The following FHIP1A variants were observed in gnomAD, a reference collection of about 807,000 sequenced individuals.
FHIP1A encodes FHF complex subunit HOOK-interacting protein 1A.
FHIP1A carries 61 observed loss-of-function variants against 88.6 expected under a neutral mutation model. That is an observed-to-expected ratio of 0.69 (90% CI 0.56 to 0.85). The LOEUF is 0.85. Ranked by LOEUF, FHIP1A falls within the 40% of genes least tolerant of loss-of-function variation. FHIP1A has a pLI of 0.00. For synonymous variants in FHIP1A, 478 were observed against 496.0 expected, an observed-to-expected ratio of 0.96 and a Z score of 0.48; for missense variants, 1,154 against 1,273.5, an observed-to-expected ratio of 0.91 and a Z score of 1.43.
rs1488347941 is a variant in FHIP1A at position 151,663,697 on chromosome 4, A to C, written c.*943A>C. 1 of 152,158 alleles carries C rather than the reference A, an allele frequency of 6.6e-6. No homozygotes were observed. The highest frequency in any genetic ancestry group is 6.5e-5 in the Admixed American group (1 of 15,280). 9.4% of individuals were successfully genotyped at this position (152,158 alleles called of 1,614,324 possible). A position where few individuals can be genotyped will look rare whatever the true frequency, so the allele number is the denominator to read the frequency against. ...CTGGGTGGGATGGGGAGATAAACTA[A>C]ATGCAGCCTGTAAAAACACTGATCA... is the stretch of plus-strand genomic sequence containing the variant. On this transcript the variant is annotated 3_prime_UTR_variant, in exon 14 of 14. Transcript: ENST00000435205.
chr4:151,648,931 TAA>T (rs2126908653), intron 10 of FHIP1A, among the ~76,000 whole-genome samples: 1 of 152,244 alleles, frequency 6.6e-6, no homozygotes, highest in East Asian at 1.9e-4. Context: ...GATTTTACTC[TAA>T]GAGACCATTT....
At chr4:151,593,015 A>G (rs1734498115) in intron 7 of FHIP1A, among the ~76,000 whole-genome samples, 2 of 152,214 alleles carry the variant, frequency 1.3e-5, no homozygotes, top group South Asian at 4.1e-4. Context: ...TTTATTAAAT[A>G]GGGAATCCTT....
At chr4:151,536,121 A>G (rs1732059050) in intron 3 of FHIP1A, among the ~76,000 whole-genome samples, 1 of 152,096 alleles carries the variant, frequency 6.6e-6, no homozygotes, top group Non-Finnish European at 1.5e-5. Context: ...TTTTCCCCCC[A>G]ATAAAAATGT....
At chr4:151,612,768 G>T (rs963559295) in intron 7 of FHIP1A, among the ~76,000 whole-genome samples, 7 of 152,148 alleles carry the variant, frequency 4.6e-5, no homozygotes, top group Non-Finnish European at 1.0e-4. Context: ...CTAAGAAGAG[G>T]CTCTCAGGCT....
At chr4:151,417,069 G>A (rs1337787394) in intron 1 of FHIP1A, among the ~76,000 whole-genome samples, 2 of 152,208 alleles carry the variant, frequency 1.3e-5, no homozygotes, top group East Asian at 3.9e-4. Context: ...ACCAGTGGAG[G>A]GTGTGCAGGT....
At chr4:151,543,315 C>A (rs1732367801) in intron 3 of FHIP1A, among the ~76,000 whole-genome samples, 1 of 152,108 alleles carries the variant, frequency 6.6e-6, no homozygotes, top group Admixed American at 6.6e-5. Flanking sequence ...GTAAAGTGAA[C>A]CCCCTCCAAA....
At chr4:151,512,594 G>A (rs1747778631) in intron 3 of FHIP1A, among the ~76,000 whole-genome samples, 1 of 152,212 alleles carries the variant, frequency 6.6e-6, no homozygotes, top group Non-Finnish European at 1.5e-5. Flanking sequence ...AACCAATACA[G>A]AGAAGTGCTT....
intron 1 of FHIP1A, among the ~76,000 whole-genome samples, chr4:151,447,022 A>C (rs1456769918): frequency 6.6e-6 from 1 of 152,220 alleles, no homozygotes; most frequent in Non-Finnish European, 1.5e-5. Flanking sequence ...ATTAGTAACC[A>C]TTCTTTTTTC....
At chr4:151,567,882 GTCTA>G (rs1733448010) in intron 4 of FHIP1A, among the ~76,000 whole-genome samples, 1 of 152,156 alleles carries the variant, frequency 6.6e-6, no homozygotes, top group South Asian at 2.1e-4. Context: ...GGCTTAGGAA[GTCTA>G]TCTTACTACG....
At chr4:151,631,583 A>G (rs760466731) in intron 8 of FHIP1A, among the ~76,000 whole-genome samples, 24 of 152,180 alleles carry the variant, frequency 1.6e-4, no homozygotes, top group Non-Finnish European at 3.1e-4. Flanking sequence ...CCAGGCCCTT[A>G]TTCCCTCACA....
intron 7 of FHIP1A, among the ~76,000 whole-genome samples, chr4:151,601,711 C>G (rs1178784750): frequency 6.6e-6 from 1 of 151,386 alleles, no homozygotes; most frequent in Non-Finnish European, 1.5e-5. Flanking sequence ...GAGCATTAGA[C>G]TGTGAGTAAG....
chr4:151,475,503 G>A lies in FHIP1A; in HGVS notation c.-247-7021G>A, dbSNP rs149733758. On this transcript the variant is annotated intron_variant, in intron 2 of 13. Coordinates refer to ENST00000435205, the MANE Select transcript of FHIP1A (RefSeq NM_001109977.3). The stretch of plus-strand genomic sequence containing the variant: ...AAATGAAGAGGAGGATGATATATGA[G>A]GATATCTGGGGATGGAGGCTCCGGG... 2.7e-3 allele frequency among the ~76,000 whole-genome samples: 410 copies of A among 152,224 alleles called. 2 individuals carry two copies. Among genetic ancestry groups the A allele is most frequent in the African/African-American group, 9.4e-3 (390 of 41,534 alleles).
In FHIP1A at chr4:151,663,610, A is replaced by T. The variant is rs1310686439; in HGVS notation, c.*856A>T. 6.6e-6 allele frequency: 1 copy of T among 152,210 alleles called. No individual in the cohort carries two copies. The highest frequency in any genetic ancestry group is 2.4e-5 in the African/African-American group (1 of 41,450). 9.4% of individuals were successfully genotyped at this position (152,210 alleles called of 1,614,324 possible). A position where few individuals can be genotyped will look rare whatever the true frequency, so the allele number is the denominator to read the frequency against. On this transcript the variant is annotated 3_prime_UTR_variant, in exon 14 of 14. Coordinates refer to ENST00000435205, the MANE Select transcript of FHIP1A (RefSeq NM_001109977.3). ...CCATCATTATTTTTGTAAGTGTTTT[A>T]TAAAAACAAACTGATTAACTTGTGA...
intron 8 of FHIP1A, among the ~76,000 whole-genome samples, chr4:151,633,096 A>C (rs2126882596): frequency 6.6e-6 from 1 of 151,926 alleles, no homozygotes; most frequent in Middle Eastern, 3.4e-3. Context: ...AAGAGAGATG[A>C]CTCAAATAAC....
At chr4:151,534,544 T>C (rs1333255165) in intron 3 of FHIP1A, among the ~76,000 whole-genome samples, 2 of 152,172 alleles carry the variant, frequency 1.3e-5, no homozygotes, top group African/African-American at 4.8e-5. Context: ...AAATATAGAG[T>C]TCTGCAGAGA....
chr4:151,441,471 GT>G (rs1469241982), intron 1 of FHIP1A, among the ~76,000 whole-genome samples: 1 of 152,022 alleles, frequency 6.6e-6, no homozygotes. Context: ...GTATACATAT[GT>G]ACATACATAT....
At chr4:151,515,987 C>T (rs1052420885) in intron 3 of FHIP1A, among the ~76,000 whole-genome samples, 5 of 152,102 alleles carry the variant, frequency 3.3e-5, no homozygotes, top group Non-Finnish European at 5.9e-5. Flanking sequence ...GAGCCCACAT[C>T]GCCAAGTCAA....
intron 3 of FHIP1A, among the ~76,000 whole-genome samples, chr4:151,559,192 C>T (rs1017612220): frequency 2.0e-5 from 3 of 152,198 alleles, no homozygotes; most frequent in Admixed American, 6.5e-5. Flanking sequence ...CGTGCAGGTA[C>T]TTTCCTTTCA....
Position 151,656,345 on chromosome 4 carries a change from C to A in FHIP1A, c.2665C>A (p.Leu889Ile), listed in dbSNP as rs1244729673. 1 of 1,551,720 alleles carries A rather than the reference C, an allele frequency of 6.4e-7. No homozygotes were observed. The highest frequency in any genetic ancestry group is 1.4e-5 in the African/African-American group (1 of 73,162). Residue 889 changes from leucine to isoleucine, a missense_variant, in exon 12 of 14, where the codon CTC becomes ATC. Leu to Ile is a conservative substitution (Grantham distance 5). Coordinates refer to ENST00000435205, the MANE Select transcript of FHIP1A (RefSeq NM_001109977.3). The surrounding 1 kb of genome is among the most constrained non-coding windows in gnomAD (Gnocchi z 4.2). ...ITQLASYPQP[L>I]LRSFLLNTNM... Reference sequence around the variant, plus strand: ...TCAGCTAGCCAGCTACCCCCAGCCACTCCTGCGCTCCTTTCTGCTCAACAC... The same window carrying A: ...TCAGCTAGCCAGCTACCCCCAGCCAATCCTGCGCTCCTTTCTGCTCAACAC...
Sources: allele counts gnomAD v4.1 joint callset (sites outside exome capture counted in the v4.1 genomes callset), GRCh38; gene constraint gnomAD v4.1.1; non-coding constraint Gnocchi (gnomAD v3.1); transcripts MANE v1.5; gene names NCBI Gene and HGNC (gene_info 2026-07-23, HGNC 2026-07-21).